CNIH3: variants seen among roughly 807,000 people sequenced by gnomAD.
CNIH3 encodes protein cornichon homolog 3.
A neutral mutation model predicts 24.1 loss-of-function variants in CNIH3; 14 were observed. The ratio of observed to expected loss-of-function variants is 0.58; its 90% CI spans 0.38 to 0.91. The LOEUF is 0.91. CNIH3 is among the 40% of genes least tolerant of loss of function. The pLI, the probability that CNIH3 is intolerant of heterozygous loss-of-function variation, is 0.00. For missense variants in CNIH3, 178 were observed against 196.8 expected (o/e 0.90, Z 0.57); for synonymous variants, 68 against 73.8 (o/e 0.92, Z 0.40).
chr1:224,514,081 TC>T (rs1678282597), upstream of CNIH3: 1 of 152,126 alleles, frequency 6.6e-6, no homozygotes, highest in Non-Finnish European at 1.5e-5. Context: ...CAAACACCCT[TC>T]TCCTTCAAAC....
At chr1:224,495,603 G>A (rs939793053) in intron 1 of CNIH3, among the ~76,000 whole-genome samples, 2 of 152,196 alleles carry the variant, frequency 1.3e-5, no homozygotes, top group Non-Finnish European at 2.9e-5. Context: ...TCACAAAGAC[G>A]CTGATGCAGC....
At chr1:224,523,754 G>A (rs949886147) in intron 2 of CNIH3, among the ~76,000 whole-genome samples, 9 of 152,212 alleles carry the variant, frequency 5.9e-5, no homozygotes, top group Non-Finnish European at 1.2e-4. Context: ...TGGAGGAAGA[G>A]ATGGCTGTGA....
chr1:224,530,697 T>C (rs1679030395), intron 2 of CNIH3, among the ~76,000 whole-genome samples: 2 of 152,110 alleles, frequency 1.3e-5, no homozygotes, highest in African/African-American at 4.8e-5. Flanking sequence ...CCTCCTGGGT[T>C]CAAGCGGTTC....
At chr1:224,488,122 T>C (rs1677098016) in intron 1 of CNIH3, among the ~76,000 whole-genome samples, 1 of 151,902 alleles carries the variant, frequency 6.6e-6, no homozygotes, top group South Asian at 2.1e-4. Context: ...AGGTATGATA[T>C]GATACGAGCT....
In CNIH3 at chr1:224,739,706, G is replaced by A. The variant is rs147608838; in HGVS notation, c.*350G>A. The A allele has an allele frequency of 2.4e-4, 75 of 313,562 alleles. No homozygotes were observed. Among genetic ancestry groups the A allele is most frequent in the Non-Finnish European group, 3.9e-4 (68 of 175,640 alleles). The allele number at this position is 313,562 out of a possible 1,614,324, so 19.4% of individuals were successfully genotyped here. On this transcript the variant is annotated 3_prime_UTR_variant, in exon 6 of 6. Transcript: ENST00000272133. ...CACTTCATTGAACAGCACCTTGCAA[G>A]TTCAAATGAGTTCCTGGGAGCGGAG...
At position 224,616,343 on chromosome 1, in the gene CNIH3, GGCGGCA is replaced by G. The variant is rs1553275341; in HGVS notation, c.-823_-818del. ...CAGTGGCAAAGGCGGCGGCGGCGGCGGCGGCAGCGGCAGCAGCAGGTGGAGCGAGCT... is the reference window on the plus strand; with the variant it reads ...CAGTGGCAAAGGCGGCGGCGGCGGCGGCGGCAGCAGCAGGTGGAGCGAGCT... On this transcript the variant is annotated 5_prime_UTR_variant, in exon 1 of 6. Coordinates refer to ENST00000272133, the MANE Select transcript of CNIH3 (RefSeq NM_152495.2). The G allele has an allele frequency of 1.8e-5, 9 of 492,522 alleles. No individual in the cohort carries two copies. The highest frequency in any genetic ancestry group is 3.9e-5 in the South Asian group (1 of 25,424). The allele number at this position is 492,522 out of a possible 1,614,324, so 30.5% of individuals were successfully genotyped here. A position where few individuals can be genotyped will look rare whatever the true frequency, so the allele number is the denominator to read the frequency against.
chr1:224,632,646 A>G (rs1683883104), intron 1 of CNIH3, among the ~76,000 whole-genome samples: 1 of 152,094 alleles, frequency 6.6e-6, no homozygotes, highest in East Asian at 1.9e-4. Flanking sequence ...CTCCCAGATC[A>G]TGTGAAATCA....
upstream of CNIH3, chr1:224,515,708 G>C (rs2124903397): frequency 1.3e-5 from 2 of 152,264 alleles, no homozygotes; most frequent in South Asian, 4.2e-4. Context: ...GATCCTCTCT[G>C]TAGTTCCACT....
chr1:224,501,527 T>TATATATATATATA (rs1558111650), intron 1 of CNIH3, among the ~76,000 whole-genome samples: 2 of 96,476 alleles, frequency 2.1e-5, no homozygotes, highest in African/African-American at 6.9e-5. Flanking sequence ...ATATATATAT[T>TATATATATATATA]TTTTTTTTTT....
At chr1:224,654,079 TAA>T (rs758675940) in intron 1 of CNIH3, among the ~76,000 whole-genome samples, 8 of 139,036 alleles carry the variant, frequency 5.8e-5, no homozygotes, top group Non-Finnish European at 9.4e-5. Context: ...AGACCCTGTT[TAA>T]AAAAAAAAAA....
At chr1:224,492,030 T>G (rs1677255220) in intron 1 of CNIH3, among the ~76,000 whole-genome samples, 1 of 152,234 alleles carries the variant, frequency 6.6e-6, no homozygotes, top group African/African-American at 2.4e-5. Flanking sequence ...GCTGGGACTG[T>G]GGGCATGAGC....
chr1:224,717,016 T>C (rs937189879), intron 3 of CNIH3, among the ~76,000 whole-genome samples: 6 of 152,172 alleles, frequency 3.9e-5, no homozygotes, highest in Non-Finnish European at 8.8e-5. Flanking sequence ...TTTCCTTCCC[T>C]TCTCATAACA....
At chr1:224,536,039 C>T (rs1319434697) in intron 2 of CNIH3, among the ~76,000 whole-genome samples, 1 of 152,164 alleles carries the variant, frequency 6.6e-6, no homozygotes, top group Admixed American at 6.5e-5. Context: ...TTGTAAAAGT[C>T]GGCCTCCCTG....
At chr1:224,564,870 A>G (rs904121426) in intron 3 of CNIH3, among the ~76,000 whole-genome samples, 5 of 152,222 alleles carry the variant, frequency 3.3e-5, no homozygotes, top group Admixed American at 6.5e-5. Flanking sequence ...ATACAGCTCA[A>G]TTGGCTCCTG....
intron 3 of CNIH3, among the ~76,000 whole-genome samples, chr1:224,713,024 CAATT>C (rs1226459139): frequency 1.6e-4 from 24 of 152,244 alleles, no homozygotes; most frequent in African/African-American, 4.8e-4. Context: ...TAAATAATCT[CAATT>C]AATTAGCTCA....
intron 4 of CNIH3, among the ~76,000 whole-genome samples, chr1:224,733,593 C>T (rs749715989): frequency 6.6e-6 from 1 of 152,190 alleles, no homozygotes; most frequent in Non-Finnish European, 1.5e-5. Flanking sequence ...GCAGGATGTT[C>T]TTCAAAGCCA....
At chr1:224,576,628 C>T (rs555123541) in intron 4 of CNIH3, among the ~76,000 whole-genome samples, 36 of 152,304 alleles carry the variant, frequency 2.4e-4, no homozygotes, top group African/African-American at 8.4e-4. Context: ...AAATGCTATT[C>T]ACAACTGAGC....
At chr1:224,547,055 G>A (rs1348561575) in intron 3 of CNIH3, 1 of 205,740 alleles carries the variant, frequency 4.9e-6, no homozygotes, top group African/African-American at 2.4e-5. Context: ...TACACGCAAG[G>A]TTGTCTCCAT....
At chr1:224,611,576 A>T (rs1359119641), upstream of CNIH3, 1 of 152,148 alleles carries the variant, frequency 6.6e-6, no homozygotes, top group Non-Finnish European at 1.5e-5. Context: ...TGGCTGCTGT[A>T]CCTCCAGGCA....
Sources: gnomAD v4.1 joint callset for allele counts (sites outside exome capture counted in the v4.1 genomes callset) on GRCh38, gnomAD v4.1.1 for gene constraint, MANE v1.5 for transcripts, NCBI Gene and HGNC (gene_info 2026-07-23, HGNC 2026-07-21) for gene names.